Variants in CLIP2 observed in about 807,000 individuals in gnomAD.
CLIP2 encodes CAP-Gly domain containing linker protein 2.
Under a neutral mutation model 111.7 loss-of-function variants are expected in CLIP2, and 41 were observed. The observed-to-expected ratio is 0.37, with a 90% CI of 0.29 to 0.48. The LOEUF (loss-of-function observed/expected upper bound fraction) is 0.48, where lower values mean the gene tolerates loss of function less well. Ranked by LOEUF, CLIP2 falls within the 20% of genes least tolerant of loss-of-function variation. The probability of loss-of-function intolerance (pLI) is 0.99; values close to 1 mark genes in which losing one functional copy is unlikely to be tolerated. For synonymous variants in CLIP2, 660 were observed against 644.2 expected, an observed-to-expected ratio of 1.02 and a Z score of -0.37; for missense variants, 1,160 against 1,422.1, an observed-to-expected ratio of 0.82 and a Z score of 2.96.
At position 74,289,552 on chromosome 7, in the gene CLIP2, G is replaced by T. The variant is rs1278852386; in HGVS notation, c.-250G>T. ...TCCCGCCTTCCCAGAGACGTGGCGCGAGGCCCGGGCCCTGAGCACCTATCG... is the reference window on the plus strand; with the variant it reads ...TCCCGCCTTCCCAGAGACGTGGCGCTAGGCCCGGGCCCTGAGCACCTATCG... On this transcript the variant is annotated 5_prime_UTR_variant, in exon 1 of 17. Coordinates refer to ENST00000223398, the MANE Select transcript of CLIP2 (RefSeq NM_003388.5). 6.6e-6 allele frequency: 1 copy of T among 151,656 alleles called. No homozygotes were observed. The highest frequency in any genetic ancestry group is 2.4e-5 in the African/African-American group (1 of 41,390). The allele number at this position is 151,656 out of a possible 1,614,324, so 9.4% of individuals were successfully genotyped here.
In CLIP2 at chr7:74,328,524, G is replaced by C. The variant is rs570823228; in HGVS notation, c.122-9924G>C. The stretch of plus-strand genomic sequence containing the variant: ...CAGACATGCACCCCAGTTAGCCTGG[G>C]AGTCAGGTTGTGCAAACCAAGGGGG... On this transcript the variant is annotated intron_variant, in intron 2 of 16. Coordinates refer to ENST00000223398, the MANE Select transcript of CLIP2 (RefSeq NM_003388.5). Among the ~76,000 whole-genome samples, 106 of 152,222 alleles carry C rather than the reference G, an allele frequency of 7.0e-4. 1 individual carries two copies. Among genetic ancestry groups the C allele is most frequent in the Admixed American group, 4.3e-3 (65 of 15,272 alleles).
intron 2 of CLIP2, among the ~76,000 whole-genome samples, chr7:74,334,532 C>G (rs546872833): frequency 6.6e-6 from 1 of 152,174 alleles, no homozygotes; most frequent in African/African-American, 2.4e-5. Context: ...GCTCTAAGCA[C>G]AGAGGGCAGG....
At chr7:74,339,191 T>C (rs539174375) in intron 3 of CLIP2, among the ~76,000 whole-genome samples, 187 bp downstream of exon 3, 1 of 152,218 alleles carries the variant, frequency 6.6e-6, no homozygotes, top group African/African-American at 2.4e-5. Context: ...ACAGGTAATG[T>C]GGGCTCTGGA....
At chr7:74,292,299 G>C (rs1026215632) in intron 1 of CLIP2, among the ~76,000 whole-genome samples, 1 of 152,046 alleles carries the variant, frequency 6.6e-6, no homozygotes, top group Non-Finnish European at 1.5e-5. Flanking sequence ...GTGACCCTCA[G>C]ATTCCCTGCT....
chr7:74,321,263 G>A (rs1450150588), intron 2 of CLIP2, among the ~76,000 whole-genome samples: 1 of 151,950 alleles, frequency 6.6e-6, no homozygotes, highest in African/African-American at 2.4e-5. Flanking sequence ...AGAAAAAAAC[G>A]TCCATTATCC....
At chr7:74,290,003 C>T (rs999957447) in intron 1 of CLIP2, among the ~76,000 whole-genome samples, 2 of 152,206 alleles carry the variant, frequency 1.3e-5, no homozygotes, top group East Asian at 1.9e-4. Flanking sequence ...GCGGGTCCCC[C>T]TGTTGAAGGC....
intron 6 of CLIP2, among the ~76,000 whole-genome samples, chr7:74,357,767 T>C (rs1183378346): frequency 5.9e-5 from 9 of 151,574 alleles, no homozygotes; most frequent in Non-Finnish European, 8.8e-5. Context: ...TTCTTTCTTT[T>C]TTTTTTTTTG....
intron 11 of CLIP2, among the ~76,000 whole-genome samples, chr7:74,385,122 C>CAAAAAAAAAAAA (rs71094780): frequency 3.9e-5 from 2 of 51,594 alleles, no homozygotes; most frequent in Non-Finnish European, 7.4e-5. Flanking sequence ...ATTAAAAATA[C>CAAAAAAAAAAAA]AAAAAAAAAA....
At chr7:74,399,789 C>G (rs1366663287) in intron 14 of CLIP2, among the ~76,000 whole-genome samples, 1 of 151,876 alleles carries the variant, frequency 6.6e-6, no homozygotes, top group African/African-American at 2.4e-5. Context: ...ATCTGCCTGC[C>G]TCGGCCTCCC....
intron 1 of CLIP2, among the ~76,000 whole-genome samples, chr7:74,310,428 G>A (rs984005605): frequency 6.6e-6 from 1 of 151,970 alleles, no homozygotes; most frequent in Non-Finnish European, 1.5e-5. Flanking sequence ...AAGCTGAGGT[G>A]GGAGGATCAC....
At chr7:74,317,688 G>C (rs373451675) in intron 2 of CLIP2, 21 bp downstream of exon 2, 8 of 1,421,444 alleles carry the variant, frequency 5.6e-6, no homozygotes, top group East Asian at 5.3e-5. Flanking sequence ...CACCAAGGAT[G>C]GGGGGTGAGG....
Position 74,376,432 on chromosome 7 carries a change from G to A in CLIP2, c.2031G>A (p.Met677Ile). Residue 677 changes from methionine to isoleucine, a missense_variant, in exon 10 of 17, where the codon ATG becomes ATA. Met to Ile is a conservative substitution (Grantham distance 10). This residue lies in a region of CLIP2 where 676 missense variants were observed against 777.8 expected (regional missense o/e 0.87). Coordinates refer to ENST00000223398, the MANE Select transcript of CLIP2 (RefSeq NM_003388.5). The surrounding 1 kb of genome is among the most constrained non-coding windows in gnomAD (Gnocchi z 7.1). Reference protein sequence around the residue: ...LQAKHDLETAMHVKEKEALRE... With the variant: ...LQAKHDLETAIHVKEKEALRE... ...CCAAGCATGACCTGGAGACCGCCATGCACGTGAAGGAGAAGGAGGCCCTGC... is the reference window on the plus strand; with the variant it reads ...CCAAGCATGACCTGGAGACCGCCATACACGTGAAGGAGAAGGAGGCCCTGC... The A allele has an allele frequency of 1.2e-6, 2 of 1,614,032 alleles. No individual in the cohort carries two copies. The highest frequency in any genetic ancestry group is 1.7e-6 in the Non-Finnish European group (2 of 1,180,030).
At chr7:74,322,716 A>T (rs1287320255) in intron 2 of CLIP2, among the ~76,000 whole-genome samples, 2 of 151,972 alleles carry the variant, frequency 1.3e-5, no homozygotes, top group Non-Finnish European at 2.9e-5. Context: ...CCCATTGTTT[A>T]TCTTTGTTTT....
chr7:74,338,532 C>T lies in CLIP2; in HGVS notation c.206C>T (p.Ala69Val), dbSNP rs987777589. Residue 69 changes from alanine (A) to valine (V), a missense_variant, in exon 3 of 17, where the codon GCG becomes GTG. Ala to Val is a moderately conservative substitution (Grantham distance 64). This residue lies in a region of CLIP2 where 301 missense variants were observed against 315.2 expected (regional missense o/e 0.96). Transcript: ENST00000223398. The surrounding 1 kb of genome is among the most constrained non-coding windows in gnomAD (Gnocchi z 4.3). Reference protein sequence around the residue: ...AAPEKPGPKAAEVGDDFLGDF... With the variant: ...AAPEKPGPKAVEVGDDFLGDF... ...CCCGAGAAGCCGGGCCCCAAGGCGGCGGAAGTGGGGGATGACTTCCTGGGG... is the reference window on the plus strand; with the variant it reads ...CCCGAGAAGCCGGGCCCCAAGGCGGTGGAAGTGGGGGATGACTTCCTGGGG... The T allele has an allele frequency of 8.1e-6, 13 of 1,604,136 alleles. No homozygotes were observed. The highest frequency in any genetic ancestry group is 1.1e-5 in the Non-Finnish European group (13 of 1,176,292).
intron 2 of CLIP2, among the ~76,000 whole-genome samples, chr7:74,320,735 C>T (rs1258915004): frequency 2.6e-5 from 4 of 151,872 alleles, no homozygotes; most frequent in African/African-American, 7.3e-5. Flanking sequence ...CTGGAAGAAG[C>T]GTGAATGAGC....
chr7:74,385,733 TCTTC>T (rs1440168814), intron 11 of CLIP2, among the ~76,000 whole-genome samples: 1 of 140,330 alleles, frequency 7.1e-6, no homozygotes, highest in East Asian at 2.2e-4. Flanking sequence ...TAGTGTCGGG[TCTTC>T]TTTTTTTTTT....
chr7:74,348,282 C>T (rs377167650), intron 3 of CLIP2, among the ~76,000 whole-genome samples: 35 of 152,060 alleles, frequency 2.3e-4, no homozygotes, highest in African/African-American at 7.7e-4. Flanking sequence ...AAGAAAATTC[C>T]CCAGATTGAT....
At chr7:74,326,556 T>C (rs1330962781) in intron 2 of CLIP2, among the ~76,000 whole-genome samples, 6 of 151,748 alleles carry the variant, frequency 4.0e-5, no homozygotes, top group East Asian at 1.9e-4. Flanking sequence ...AGACGGGGAG[T>C]TGGGCTATGT....
Position 74,397,066 on chromosome 7 carries a change from AC to A in CLIP2, c.2721-3del. 1 of 1,611,018 alleles carries A rather than the reference AC, an allele frequency of 6.2e-7. No homozygotes were observed. Among genetic ancestry groups the A allele is most frequent in the Non-Finnish European group, 8.5e-7 (1 of 1,179,072 alleles). ...AGTGCAGTGGTTCTGTGCCCGCCTC[AC>A]CCCCAGGAGCCTGAACGAACTGCGG... On this transcript the variant is annotated splice_polypyrimidine_tract_variant and splice_region_variant and intron_variant, in intron 13 of 16. Coordinates refer to ENST00000223398, the MANE Select transcript of CLIP2 (RefSeq NM_003388.5).
Sources: gnomAD v4.1 joint callset for allele counts (sites outside exome capture counted in the v4.1 genomes callset) on GRCh38, gnomAD v4.1.1 for gene constraint, gnomAD v4.1.1 regional missense constraint, Gnocchi (gnomAD v3.1) non-coding constraint, MANE v1.5 for transcripts, NCBI Gene and HGNC (gene_info 2026-07-23, HGNC 2026-07-21) for gene names.